Variants in PRKG1 observed in about 807,000 individuals in gnomAD.
PRKG1 encodes the protein cGMP-dependent protein kinase 1.
A neutral mutation model predicts 88.1 loss-of-function variants in PRKG1; 35 were observed. The ratio of observed to expected loss-of-function variants is 0.40; its 90% CI spans 0.30 to 0.53. The LOEUF is 0.53. Ranked by LOEUF, PRKG1 falls within the 20% of genes least tolerant of loss-of-function variation. The probability of loss-of-function intolerance (pLI) is 0.59; values close to 1 mark genes in which losing one functional copy is unlikely to be tolerated. For missense variants in PRKG1, 540 were observed against 839.8 expected (o/e 0.64, Z 4.41); for synonymous variants, 303 against 292.5 (o/e 1.04, Z -0.37).
intron 3 of PRKG1, among the ~76,000 whole-genome samples, chr10:51,585,953 G>A (rs893625578): frequency 3.2e-4 from 48 of 152,006 alleles, no homozygotes; most frequent in African/African-American, 1.0e-3. Context: ...AGATAAGAAC[G>A]CTAGACACTG....
chr10:51,534,263 A>G (rs1482872595), intron 3 of PRKG1, among the ~76,000 whole-genome samples: 2 of 152,166 alleles, frequency 1.3e-5, no homozygotes, highest in African/African-American at 2.4e-5. Flanking sequence ...AAAATATACA[A>G]TCAATAAACT....
intron 4 of PRKG1, among the ~76,000 whole-genome samples, chr10:51,868,387 T>G (rs1012950147): frequency 7.9e-5 from 12 of 152,126 alleles, no homozygotes; most frequent in Non-Finnish European, 1.8e-4. Flanking sequence ...CAGAAGAATT[T>G]AGCTTTGATG....
intron 1 of PRKG1, chr10:51,062,565 A>G (rs886414780): frequency 2.8e-4 from 43 of 152,318 alleles, no homozygotes; most frequent in African/African-American, 1.0e-3. Flanking sequence ...TCAGAAGAAG[A>G]AATCAATAAG....
At chr10:51,314,203 C>T (rs1178744252) in intron 2 of PRKG1, among the ~76,000 whole-genome samples, 4 of 152,182 alleles carry the variant, frequency 2.6e-5, no homozygotes, top group Non-Finnish European at 1.5e-5. Flanking sequence ...ACAGCCAGGG[C>T]TTACCAGGTG....
intron 1 of PRKG1, among the ~76,000 whole-genome samples, chr10:51,022,901 G>T (rs1333461519): frequency 6.6e-6 from 1 of 152,202 alleles, no homozygotes; most frequent in African/African-American, 2.4e-5. Context: ...GGAGGCTGAG[G>T]CAGGAGAATC....
chr10:51,354,442 A>G (rs1374316775), intron 2 of PRKG1, among the ~76,000 whole-genome samples: 1 of 152,148 alleles, frequency 6.6e-6, no homozygotes, highest in Admixed American at 6.6e-5. Context: ...TACAGCTACT[A>G]TGTACCCGGA....
intron 5 of PRKG1, among the ~76,000 whole-genome samples, chr10:52,051,336 T>C (rs1845983598): frequency 6.6e-6 from 1 of 152,216 alleles, no homozygotes; most frequent in East Asian, 1.9e-4. Flanking sequence ...CTGCTTATTC[T>C]CCTCTTTCTG....
intron 9 of PRKG1, among the ~76,000 whole-genome samples, chr10:52,163,589 T>G (rs1838341873): frequency 1.3e-5 from 2 of 152,110 alleles, no homozygotes; most frequent in Admixed American, 1.3e-4. Flanking sequence ...AATGTTTTTG[T>G]AGAACTCCTA....
At chr10:51,281,701 T>G (rs1163128398) in intron 2 of PRKG1, among the ~76,000 whole-genome samples, 1 of 152,096 alleles carries the variant, frequency 6.6e-6, no homozygotes, top group African/African-American at 2.4e-5. Context: ...AAGATGAAAT[T>G]TTCTTATGGC....
intron 1 of PRKG1, among the ~76,000 whole-genome samples, chr10:51,082,702 C>A (rs569062577): frequency 6.6e-6 from 1 of 150,534 alleles, no homozygotes; most frequent in East Asian, 2.0e-4. Context: ...GCACTAGGGG[C>A]CTGCGAAAGC....
intron 3 of PRKG1, among the ~76,000 whole-genome samples, chr10:51,484,017 A>G (rs534326613): frequency 6.6e-6 from 1 of 152,230 alleles, no homozygotes; most frequent in East Asian, 1.9e-4. Context: ...ATTACTTCCT[A>G]AGCTTTGTTT....
chr10:51,206,349 C>G (rs535186778), intron 2 of PRKG1, among the ~76,000 whole-genome samples: 111 of 151,818 alleles, frequency 7.3e-4, no homozygotes, highest in Non-Finnish European at 1.4e-3. Context: ...AAAAATTAGC[C>G]AGGCGTGGGG....
chr10:51,568,668 T>C (rs1837669753), intron 3 of PRKG1: 1 of 152,082 alleles, frequency 6.6e-6, no homozygotes, highest in African/African-American at 2.4e-5. Context: ...TAGCAAATGC[T>C]TTTTAGTGTT....
At chr10:51,028,121 T>C (rs1843232829) in intron 1 of PRKG1, among the ~76,000 whole-genome samples, 1 of 152,160 alleles carries the variant, frequency 6.6e-6, no homozygotes, top group South Asian at 2.1e-4. Flanking sequence ...AACTGATGAA[T>C]ATTTGAGAAA....
intron 9 of PRKG1, among the ~76,000 whole-genome samples, chr10:52,220,343 T>C (rs944074634): frequency 6.6e-6 from 1 of 152,064 alleles, no homozygotes; most frequent in Non-Finnish European, 1.5e-5. Flanking sequence ...TTGCCAACTA[T>C]GTGAGTGGGA....
intron 3 of PRKG1, among the ~76,000 whole-genome samples, chr10:51,742,391 TATTTG>T (rs1248158657): frequency 1.3e-5 from 2 of 152,142 alleles, no homozygotes; most frequent in Non-Finnish European, 2.9e-5. Context: ...CAAAACCAAC[TATTTG>T]GTTTGCCGCT....
intron 2 of PRKG1, among the ~76,000 whole-genome samples, chr10:51,164,814 T>G (rs1434687069): frequency 6.6e-6 from 1 of 151,524 alleles, no homozygotes; most frequent in Non-Finnish European, 1.5e-5. Context: ...GAAGATGAAA[T>G]GAATGAAATG....
intron 1 of PRKG1, among the ~76,000 whole-genome samples, chr10:51,081,502 G>T (rs1169896715): frequency 6.6e-6 from 1 of 152,206 alleles, no homozygotes; most frequent in Non-Finnish European, 1.5e-5. Flanking sequence ...ACCAGTGCTT[G>T]TTTTGAATGC....
chr10:52,088,481 C>T (rs968320821), intron 7 of PRKG1, among the ~76,000 whole-genome samples: 7 of 152,170 alleles, frequency 4.6e-5, no homozygotes, highest in Admixed American at 2.0e-4. Flanking sequence ...AACAGTACTA[C>T]GAGATAGAAT....
Sources: gnomAD v4.1 joint callset for allele counts (sites outside exome capture counted in the v4.1 genomes callset) on GRCh38, gnomAD v4.1.1 for gene constraint, MANE v1.5 for transcripts, NCBI Gene and HGNC (gene_info 2026-07-23, HGNC 2026-07-21) for gene names.